Variants in TFAP2D observed in about 807,000 individuals in gnomAD.
TFAP2D encodes the protein transcription factor AP-2 delta, also known as transcription factor AP-2-delta.
Under a neutral mutation model 43.6 loss-of-function variants are expected in TFAP2D, and 9 were observed. The observed-to-expected ratio is 0.21, with a 90% confidence interval of 0.12 to 0.36. The LOEUF (loss-of-function observed/expected upper bound fraction) is 0.36. Ranked by LOEUF, TFAP2D falls within the 10% of genes least tolerant of loss-of-function variation. TFAP2D has a pLI of 1.00. For missense variants in TFAP2D, 513 were observed against 561.4 expected, an observed-to-expected ratio of 0.91 and a Z score of 0.87; for synonymous variants, 256 against 224.9, an observed-to-expected ratio of 1.14 and a Z score of -1.24.
At chr6:50,732,732 T>C (rs1561934400) in intron 5 of TFAP2D, among the ~76,000 whole-genome samples, 1 of 152,054 alleles carries the variant, frequency 6.6e-6, no homozygotes, top group Non-Finnish European at 1.5e-5. Context: ...CATAAGTGCC[T>C]TATGATGGGG....
chr6:50,749,407 AT>A (rs1250043481), intron 6 of TFAP2D, among the ~76,000 whole-genome samples: 14 of 151,842 alleles, frequency 9.2e-5, no homozygotes, highest in Admixed American at 3.9e-4. Flanking sequence ...CTTTATTTTA[AT>A]GTTTTAAAAT....
At chr6:50,760,470 G>C (rs1489225552) in intron 7 of TFAP2D, among the ~76,000 whole-genome samples, 1 of 151,904 alleles carries the variant, frequency 6.6e-6, no homozygotes, top group African/African-American at 2.4e-5. Flanking sequence ...TATGCATCTA[G>C]GGTTGAGAAC....
In TFAP2D at chr6:50,733,612, T is replaced by C. The variant is rs534244938; in HGVS notation, c.883+4300T>C. Among the ~76,000 whole-genome samples, 9 of 152,288 alleles carry C rather than the reference T, an allele frequency of 5.9e-5. No homozygotes were observed. The South Asian group carries it at 1.9e-3, about 32-fold the overall frequency. ...TTTAACACCCTTGTTATATGTTTAT[T>C]ATTCTTGAATTGGCAACTTCTGTGG... is the stretch of plus-strand genomic sequence containing the variant. On this transcript the variant is annotated intron_variant, in intron 5 of 7. Coordinates refer to ENST00000008391, the MANE Select transcript of TFAP2D (RefSeq NM_172238.4).
Position 50,715,461 on chromosome 6 carries a change from G to C in TFAP2D, c.385G>C (p.Glu129Gln), listed in dbSNP as rs965255815. The C allele has an allele frequency of 1.3e-5, 21 of 1,613,974 alleles. No homozygotes were observed. Among genetic ancestry groups the C allele is most frequent in the Non-Finnish European group, 1.7e-5 (20 of 1,180,040 alleles). ...GGCGCTCAAGTCGTCCTGCCTGGAC[G>C]AGCAGAGGCGGGAGCTGGGCTGCCT... ...ARALKSSCLD[E>Q]QRRELGCLDA... Residue 129 changes from glutamate (E) to glutamine (Q), a missense_variant, in exon 2 of 8, where the codon GAG becomes CAG. This residue lies in a region of TFAP2D where 311 missense variants were observed against 316.2 expected (regional missense o/e 0.98). Transcript: ENST00000008391.
At chr6:50,772,536 C>A (rs940657064) in intron 7 of TFAP2D, 109 bp from the exon 8 acceptor site, 4 of 935,976 alleles carry the variant, frequency 4.3e-6, no homozygotes, top group Non-Finnish European at 6.5e-6. Context: ...TTTAGGAACA[C>A]AATGAATACC....
chr6:50,719,669 G>C (rs1379861154), intron 3 of TFAP2D, among the ~76,000 whole-genome samples: 1 of 152,168 alleles, frequency 6.6e-6, no homozygotes, highest in African/African-American at 2.4e-5. Flanking sequence ...AGGCTTCAGG[G>C]GAGGCTAATG....
At chr6:50,734,736 A>G (rs570760914) in intron 5 of TFAP2D, among the ~76,000 whole-genome samples, 5 of 152,240 alleles carry the variant, frequency 3.3e-5, no homozygotes, top group Admixed American at 6.6e-5. Context: ...GGGATATGCT[A>G]GAAAATGTAA....
intron 7 of TFAP2D, among the ~76,000 whole-genome samples, chr6:50,758,272 A>G (rs1769317685): frequency 6.6e-6 from 1 of 151,734 alleles, no homozygotes; most frequent in Admixed American, 6.6e-5. Flanking sequence ...GGCCCCTAAC[A>G]TTTCCTACTC....
intron 6 of TFAP2D, among the ~76,000 whole-genome samples, chr6:50,750,815 A>G (rs1057459774): frequency 1.2e-4 from 18 of 152,054 alleles, no homozygotes; most frequent in Non-Finnish European, 2.6e-4. Context: ...AATGGCTCTG[A>G]AGTAAGACTG....
chr6:50,719,271 T>C (rs1768677288), intron 3 of TFAP2D, 121 bp downstream of exon 3: 26 of 1,041,102 alleles, frequency 2.5e-5, no homozygotes, highest in Non-Finnish European at 3.4e-5. Flanking sequence ...TTATGCTTAG[T>C]CAATTATTCT....
intron 3 of TFAP2D, among the ~76,000 whole-genome samples, chr6:50,725,362 T>C (rs973280111): frequency 3.3e-5 from 5 of 152,144 alleles, no homozygotes; most frequent in East Asian, 1.9e-4. Flanking sequence ...CCCATCAGAA[T>C]TTGCAGCATC....
intron 7 of TFAP2D, among the ~76,000 whole-genome samples, chr6:50,754,805 T>C (rs965042394): frequency 1.3e-5 from 2 of 151,934 alleles, no homozygotes; most frequent in Non-Finnish European, 1.5e-5. Context: ...CTTTGCCCAC[T>C]TTTTGACCAG....
In TFAP2D at chr6:50,719,148, G is replaced by T. The variant is rs372669669; in HGVS notation, c.596G>T (p.Arg199Ile). 7 of 1,613,782 alleles carry T rather than the reference G, an allele frequency of 4.3e-6. No homozygotes were observed. The highest frequency in any genetic ancestry group is 5.9e-6 in the Non-Finnish European group (7 of 1,179,840). Residue 199 changes from arginine to isoleucine, a missense_variant and splice_region_variant, in exon 3 of 8, where the codon AGA becomes ATA. By Grantham distance (97) the Arg-to-Ile change is moderately conservative. Transcript: ENST00000008391. ...AATGGCCAAGGTGGAGTGATAAGAA[G>T]AGGTAAGTAACAAGTAACAACATGT... ...VLNGQGGVIR[R>I]GGTCVVNPTD...
chr6:50,743,742 T>C lies in TFAP2D; in HGVS notation c.884-1365T>C, dbSNP rs527384698. ...ATAAACTTTCCCTCCCTTTTCTTCA[T>C]ATTATCAGCTATTTCATTTTTTCCT... On this transcript the variant is annotated intron_variant, in intron 5 of 7. Transcript: ENST00000008391. 2.6e-5 allele frequency among the ~76,000 whole-genome samples: 4 copies of C among 152,308 alleles called. No individual in the cohort carries two copies. The South Asian group carries it at 8.3e-4, about 32-fold the overall frequency.
intron 3 of TFAP2D, among the ~76,000 whole-genome samples, chr6:50,720,489 ACACAC>A (rs1768702282): frequency 2.6e-4 from 1 of 3,920 alleles, no homozygotes; most frequent in African/African-American, 5.6e-4. Context: ...AGATTAAAAC[ACACAC>A]ACACACACAC....
chr6:50,744,632 G>C (rs192328193), intron 5 of TFAP2D, among the ~76,000 whole-genome samples: 113 of 152,204 alleles, frequency 7.4e-4, no homozygotes, highest in African/African-American at 2.6e-3. Context: ...AAAGTTCTCC[G>C]ACTTCCTCGA....
At chr6:50,723,083 T>C (rs1768755646) in intron 3 of TFAP2D, among the ~76,000 whole-genome samples, 1 of 152,210 alleles carries the variant, frequency 6.6e-6, no homozygotes, top group African/African-American at 2.4e-5. Context: ...CTGCACGTTT[T>C]AAGAGAGTTT....
Position 50,751,270 on chromosome 6 carries a change from C to A in TFAP2D, c.1085C>A (p.Ser362Tyr). The A allele has an allele frequency of 6.2e-7, 1 of 1,611,694 alleles. No individual in the cohort carries two copies. Among genetic ancestry groups the A allele is most frequent in the Non-Finnish European group, 8.5e-7 (1 of 1,178,398 alleles). The change falls in exon 7 of 8, where the codon TCC becomes TAC. Residue 362 changes from serine (S) to tyrosine (Y), a missense_variant. Physicochemically the swap from Ser to Tyr is moderately radical, Grantham distance 144 (BLOSUM62 -2). This residue lies in a region of TFAP2D where 199 missense variants were observed against 227.9 expected (regional missense o/e 0.87). Transcript: ENST00000008391. ...CAAGATAGATCACCACTGGGATCCT[C>A]CAGACCCACTCCAATTCTAGACCTT... is the stretch of plus-strand genomic sequence containing the variant. ...LSQDRSPLGS[S>Y]RPTPILDLDI...
At chr6:50,719,839 T>C (rs1482706872) in intron 3 of TFAP2D, among the ~76,000 whole-genome samples, 2 of 152,122 alleles carry the variant, frequency 1.3e-5, no homozygotes, top group African/African-American at 2.4e-5. Context: ...ACCCATGGAA[T>C]TGGAAGGTGG....
Sources: gnomAD v4.1 joint callset for allele counts (sites outside exome capture counted in the v4.1 genomes callset) on GRCh38, gnomAD v4.1.1 for gene constraint, gnomAD v4.1.1 regional missense constraint, MANE v1.5 for transcripts, NCBI Gene and HGNC (gene_info 2026-07-23, HGNC 2026-07-21) for gene names.